The following COL20A1 variants were observed in gnomAD, a reference collection of about 807,000 sequenced individuals.
COL20A1 encodes collagen alpha-1(XX) chain.
In COL20A1, 164 loss-of-function variants were observed where a neutral mutation model predicts 152.9. That is an observed-to-expected ratio of 1.07 (90% CI 0.94 to 1.22). The LOEUF (loss-of-function observed/expected upper bound fraction) is 1.22. Ranked by LOEUF, COL20A1 falls within the 50% of genes most tolerant of loss-of-function variation. COL20A1 has a pLI of 0.00. For missense variants in COL20A1, 1,873 were observed against 1,744.8 expected, an observed-to-expected ratio of 1.07 and a Z score of -1.31; for synonymous variants, 864 against 756.0, an observed-to-expected ratio of 1.14 and a Z score of -2.34.
chr20:63,312,734 C>T (rs2068026564), intron 15 of COL20A1, 58 bp from the exon 16 acceptor site: 1 of 1,491,500 alleles, frequency 6.7e-7, no homozygotes, highest in Non-Finnish European at 9.0e-7. Flanking sequence ...GCTGCCCCTC[C>T]TCTGAGGTGC....
chr20:63,332,858 GT>G lies in COL20A1; in HGVS notation c.*2143del, dbSNP rs2068350001. On this transcript the variant is annotated 3_prime_UTR_variant, in exon 36 of 36. Coordinates refer to ENST00000358894, the MANE Select transcript of COL20A1 (RefSeq NM_020882.4). ...GGCCCCACCCGCCCCAGCCTGTGCA[GT>G]GGAGCTGAGTACGAATCAAAGGTGA... The G allele has an allele frequency of 6.6e-6, 1 of 152,272 alleles. No homozygotes were observed. Among genetic ancestry groups the G allele is most frequent in the Non-Finnish European group, 1.5e-5 (1 of 68,080 alleles). The allele number at this position is 152,272 out of a possible 1,614,324, so 9.4% of individuals were successfully genotyped here. A position where few individuals can be genotyped will look rare whatever the true frequency, so the allele number is the denominator to read the frequency against.
In COL20A1 at chr20:63,313,350, G is replaced by T; in HGVS notation, c.2209+101G>T. The T allele has an allele frequency of 2.3e-6, 3 of 1,309,412 alleles. No individual in the cohort carries two copies. The highest frequency in any genetic ancestry group is 3.1e-6 in the Non-Finnish European group (3 of 961,182). 81.1% of individuals were successfully genotyped at this position (1,309,412 alleles called of 1,614,324 possible). A position where few individuals can be genotyped will look rare whatever the true frequency, so the allele number is the denominator to read the frequency against. ...ACAGGCCCAGGACCCTAGACTCCCA[G>T]AACTGCTGGCTCCAGAGCCCTGATC... On this transcript the variant is annotated intron_variant, in intron 17 of 35. Transcript: ENST00000358894. This position sits in a 1 kb window ranked among gnomAD's most constrained non-coding sequence, Gnocchi z 5.9.
Position 63,322,038 on chromosome 20 carries a change from C to T in COL20A1, c.3241-20C>T, listed in dbSNP as rs1360142033. 3 of 1,510,998 alleles carry T rather than the reference C, an allele frequency of 2.0e-6. No homozygotes were observed. Among genetic ancestry groups the T allele is most frequent in the Non-Finnish European group, 2.7e-6 (3 of 1,130,948 alleles). 93.6% of individuals were successfully genotyped at this position (1,510,998 alleles called of 1,614,324 possible). A position where few individuals can be genotyped will look rare whatever the true frequency, so the allele number is the denominator to read the frequency against. ...TGGTTGGGTAGTTCTGGGGGCTTAG[C>T]CCTGTTTGTGCCTCTGCAGGGCCTC... On this transcript the variant is annotated intron_variant, in intron 26 of 35. Coordinates refer to ENST00000358894, the MANE Select transcript of COL20A1 (RefSeq NM_020882.4).
At chr20:63,309,257 A>G (rs2067970617) in intron 8 of COL20A1, 76 bp from the exon 9 acceptor site, 23 of 1,214,018 alleles carry the variant, frequency 1.9e-5, no homozygotes, top group Non-Finnish European at 2.5e-5. Flanking sequence ...CCCAGTCTCC[A>G]TGGAGACCCC....
At chr20:63,329,711 A>G in intron 35 of COL20A1, 50 bp downstream of exon 35, 3 of 1,355,658 alleles carry the variant, frequency 2.2e-6, no homozygotes, top group South Asian at 1.4e-5. Context: ...GGCATCCAGG[A>G]AGGAGGAGCT....
rs140030199 is a variant in COL20A1, at chr20:63,308,577, C to G, written c.811C>G (p.Gln271Glu). Residue 271 changes from glutamine to glutamate, a missense_variant, in exon 8 of 36, where the codon CAG (glutamine) becomes GAG (glutamate). Coordinates refer to ENST00000358894, the MANE Select transcript of COL20A1 (RefSeq NM_020882.4). ...GACCCACGTGCTGGGGCAGAACCTG[C>G]AGCCGGCGGCTGGCCTCCGTCCAGA... is the stretch of plus-strand genomic sequence containing the variant. The part of the protein sequence containing the change: ...ALTHVLGQNL[Q>E]PAAGLRPEAA... 3,401 of 1,605,128 alleles carry G rather than the reference C, an allele frequency of 2.1e-3. 9 individuals are homozygous for G. Among genetic ancestry groups the G allele is most frequent in the Non-Finnish European group, 2.5e-3 (2,939 of 1,176,540 alleles).
intron 3 of COL20A1, among the ~76,000 whole-genome samples, chr20:63,304,421 A>G (rs1283308018): frequency 1.7e-5 from 2 of 116,108 alleles, no homozygotes; most frequent in Non-Finnish European, 1.8e-5. Context: ...TCCTCCCTCC[A>G]GGTGTGCAGG....
Position 63,313,938 on chromosome 20 carries a change from T to A in COL20A1, c.2358+47T>A. ...GGCTGCCCCACCTCGTGGGGCCTCC[T>A]GGAAGGGGTATGGCCACACTGTCTG... is the stretch of plus-strand genomic sequence containing the variant. On this transcript the variant is annotated intron_variant, in intron 18 of 35. Transcript: ENST00000358894. This position sits in a 1 kb window ranked among gnomAD's most constrained non-coding sequence, Gnocchi z 5.9. 6.3e-7 allele frequency: 1 copy of A among 1,582,650 alleles called. No individual in the cohort carries two copies. Among genetic ancestry groups the A allele is most frequent in the Non-Finnish European group, 8.6e-7 (1 of 1,164,232 alleles).
rs367621924 is a variant in COL20A1, at chr20:63,328,082, G to A, written c.3568G>A (p.Glu1190Lys). ...GCTGCACCACCTTCCCTTCCAGGGC[G>A]AGCCGCAGTCCCTTGCCACCCTCTA... ...GPKGERGEKGEPQSLATLYQL... is the reference protein window; with the variant it reads ...GPKGERGEKGKPQSLATLYQL... The change falls in exon 33 of 36, where the codon GAG (glutamate) becomes AAG (lysine). Residue 1190 changes from glutamate to lysine, a missense_variant. Glu to Lys is a moderately conservative substitution (Grantham distance 56, BLOSUM62 1). Transcript: ENST00000358894. 14 of 1,613,210 alleles carry A rather than the reference G, an allele frequency of 8.7e-6. No homozygotes were observed. Among genetic ancestry groups the A allele is most frequent in the African/African-American group, 6.7e-5 (5 of 74,876 alleles).
In COL20A1 at chr20:63,311,417, C is replaced by T. The variant is rs774769643; in HGVS notation, c.1417C>T (p.Leu473=). 1 of 1,580,224 alleles carries T rather than the reference C, an allele frequency of 6.3e-7. No individual in the cohort carries two copies. The highest frequency in any genetic ancestry group is 1.2e-5 in the South Asian group (1 of 86,568). The change falls in exon 12 of 36, where the codon CTG becomes TTG. Residue 473 remains leucine (L), a synonymous_variant. Coordinates refer to ENST00000358894, the MANE Select transcript of COL20A1 (RefSeq NM_020882.4). This position sits in a 1 kb window ranked among gnomAD's most constrained non-coding sequence, Gnocchi z 4.4. ...AGCACCTCTGCCTCCGCCCCGGGCG[C>T]TGACCCTGGCCGCAGTGACGCCCAG... ...TTAPLPPPRA[L]TLAAVTPRTV... is the part of the protein sequence containing the mutation.
At chr20:63,327,923 G>A (rs1235109545) in intron 31 of COL20A1, 29 bp from the exon 32 acceptor site, 2 of 1,579,112 alleles carry the variant, frequency 1.3e-6, no homozygotes, top group African/African-American at 1.4e-5. Flanking sequence ...CATCTCTGCT[G>A]ACTTCTTTTC....
intron 3 of COL20A1, 119 bp downstream of exon 3, chr20:63,298,139 A>G (rs2067822558): frequency 1.5e-6 from 1 of 648,950 alleles, no homozygotes. Context: ...CCTTAGTGTC[A>G]GCACCTCTCT....
Position 63,313,837 on chromosome 20 carries a change from G to A in COL20A1, c.2304G>A (p.Val768=). 2 of 1,611,394 alleles carry A rather than the reference G, an allele frequency of 1.2e-6. No individual in the cohort carries two copies. Among genetic ancestry groups the A allele is most frequent in the Non-Finnish European group, 1.7e-6 (2 of 1,179,388 alleles). The change falls in exon 18 of 36, where the codon GTG becomes GTA. Residue 768 remains valine (V), a synonymous_variant. Coordinates refer to ENST00000358894, the MANE Select transcript of COL20A1 (RefSeq NM_020882.4). The surrounding 1 kb of genome is among the most constrained non-coding windows in gnomAD (Gnocchi z 5.9). The stretch of plus-strand genomic sequence containing the variant: ...GCTGGACGCCCCCGCTTGGCCGCGT[G>A]CTCCATTACTGGCTCACCTACGCCC... ...QVSWTPPLGR[V]LHYWLTYAPA...
intron 14 of COL20A1, 106 bp from the exon 15 acceptor site, chr20:63,312,314 G>T: frequency 7.7e-7 from 1 of 1,306,240 alleles, no homozygotes; most frequent in Non-Finnish European, 1.0e-6. Flanking sequence ...CGTTTCTGGG[G>T]GGTCGTGGGG....
rs2068012339 is a variant in COL20A1 at position 63,311,874 on chromosome 20, G to A, written c.1664-42G>A. ...CACTGCCCACCCTTGCCCCTGCCAT[G>A]GAGGCCGCGTGCTGGCCTTGAGGCT... On this transcript the variant is annotated intron_variant, in intron 13 of 35. Transcript: ENST00000358894. This position sits in a 1 kb window ranked among gnomAD's most constrained non-coding sequence, Gnocchi z 4.4. The A allele has an allele frequency of 3.3e-6, 5 of 1,508,484 alleles. No individual in the cohort carries two copies. The African/African-American group carries it at 6.9e-5, about 21-fold the overall frequency. 93.4% of individuals were successfully genotyped at this position (1,508,484 alleles called of 1,614,324 possible). A position where few individuals can be genotyped will look rare whatever the true frequency, so the allele number is the denominator to read the frequency against.
Position 63,329,787 on chromosome 20 carries a change from C to T in COL20A1, c.*3+126C>T, listed in dbSNP as rs115606552. 260 of 667,768 alleles carry T rather than the reference C, an allele frequency of 3.9e-4. 1 individual carries two copies. The African/African-American group carries it at 4.3e-3, about 11-fold the overall frequency. The allele number at this position is 667,768 out of a possible 1,614,324, so 41.4% of individuals were successfully genotyped here. ...GGGGTGCTGGGAGCACAAGGCCCAGCAGAGGCAGGCGAGGTGGCCCTGGGG... is the reference window on the plus strand; with the variant it reads ...GGGGTGCTGGGAGCACAAGGCCCAGTAGAGGCAGGCGAGGTGGCCCTGGGG... On this transcript the variant is annotated intron_variant, in intron 35 of 35. Transcript: ENST00000358894.
chr20:63,329,632 G>C lies in COL20A1; in HGVS notation c.3829G>C (p.Ala1277Pro), dbSNP rs1439794672. Reference sequence around the variant, plus strand: ...GATGGGCAGCCCTGGGCAGCAGGGGGCTAGCACCCAGGGCCTCTGGGAGTG... The same window carrying C: ...GATGGGCAGCCCTGGGCAGCAGGGGCCTAGCACCCAGGGCCTCTGGGAGTG... ...GQMGSPGQQG[A>P]STQGLWE The change falls in exon 35 of 36, where the codon GCT becomes CCT. Residue 1277 changes from alanine (A) to proline (P), a missense_variant. Physicochemically the swap from Ala to Pro is conservative, Grantham distance 27. Coordinates refer to ENST00000358894, the MANE Select transcript of COL20A1 (RefSeq NM_020882.4). The C allele has an allele frequency of 2.5e-6, 4 of 1,604,672 alleles. No individual in the cohort carries two copies. Among genetic ancestry groups the C allele is most frequent in the South Asian group, 1.1e-5 (1 of 89,992 alleles).
In COL20A1 at chr20:63,294,725, C is replaced by T. The variant is rs59802540; in HGVS notation, c.-10-373C>T. 1.1e-4 allele frequency among the ~76,000 whole-genome samples: 16 copies of T among 152,328 alleles called. No homozygotes were observed. The East Asian group carries it at 3.1e-3, about 29-fold the overall frequency. On this transcript the variant is annotated intron_variant, in intron 1 of 35. Coordinates refer to ENST00000358894, the MANE Select transcript of COL20A1 (RefSeq NM_020882.4). ...GAGCTCGCCCCTTGCCTCAGCCCTC[C>T]GTGGCCCTCGGGAGCCCCACAAGCA... is the stretch of plus-strand genomic sequence containing the variant.
chr20:63,325,692 C>A lies in COL20A1; in HGVS notation c.3373C>A (p.Pro1125Thr), dbSNP rs753259352. 6.8e-6 allele frequency: 11 copies of A among 1,611,596 alleles called. No individual in the cohort carries two copies. The South Asian group carries it at 1.2e-4, about 18-fold the overall frequency. Reference sequence around the variant, plus strand: ...GGGCCACCCCGGCCACCAGGGCATCCCCGGGAGAGTTGGCCTCCAGGGACC... The same window carrying A: ...GGGCCACCCCGGCCACCAGGGCATCACCGGGAGAGTTGGCCTCCAGGGACC... Reference protein sequence around the residue: ...LQGHPGHQGIPGRVGLQGPKG... With the variant: ...LQGHPGHQGITGRVGLQGPKG... The change falls in exon 29 of 36, where the codon CCC (proline) becomes ACC (threonine). Residue 1125 changes from proline to threonine, a missense_variant. By Grantham distance (38) the Pro-to-Thr change is conservative (BLOSUM62 -1). Coordinates refer to ENST00000358894, the MANE Select transcript of COL20A1 (RefSeq NM_020882.4).
Sources: gnomAD v4.1 joint callset for allele counts (sites outside exome capture counted in the v4.1 genomes callset) on GRCh38, gnomAD v4.1.1 for gene constraint, Gnocchi (gnomAD v3.1) non-coding constraint, MANE v1.5 for transcripts, NCBI Gene and HGNC (gene_info 2026-07-23, HGNC 2026-07-21) for gene names.